MTCL1: variants seen among roughly 807,000 people sequenced by gnomAD.
MTCL1 encodes microtubule cross-linking factor 1.
Under a neutral mutation model 141.4 loss-of-function variants are expected in MTCL1, and 79 were observed. That is an observed-to-expected ratio of 0.56 (90% confidence interval 0.47 to 0.67). The LOEUF (loss-of-function observed/expected upper bound fraction) is 0.67. Among genes scored for constraint, MTCL1 ranks in the 30% least tolerant of loss-of-function variants. The probability of loss-of-function intolerance (pLI) is 0.00; values close to 1 mark genes in which losing one functional copy is unlikely to be tolerated. For missense variants in MTCL1, 2,177 were observed against 2,113.9 expected (o/e 1.03, Z -0.59); for synonymous variants, 914 against 875.8 (o/e 1.04, Z -0.77).
At chr18:8,718,636 G>C in exon 3 of MTCL1, 1 of 1,612,924 alleles carries the variant, frequency 6.2e-7, no homozygotes, top group Non-Finnish European at 8.5e-7. Flanking sequence ...GAAGCCTGGA[G>C]CAGGACTTGA....
exon 1 of MTCL1, chr18:8,706,164 G>A (rs2096057900): frequency 8.2e-7 from 1 of 1,221,448 alleles, no homozygotes; most frequent in African/African-American, 1.6e-5. Flanking sequence ...GCTCCCGGGC[G>A]CCACCCGCCC....
chr18:8,813,345 A>G, intron 12 of MTCL1, 112 bp downstream of exon 11: 11 of 1,269,330 alleles, frequency 8.7e-6, no homozygotes, highest in Non-Finnish European at 1.2e-5. Flanking sequence ...ATCAGGATGC[A>G]TGGGCTTCCA....
intron 4 of MTCL1, among the ~76,000 whole-genome samples, chr18:8,763,473 C>T (rs1028141565): frequency 1.3e-5 from 2 of 152,244 alleles, no homozygotes; most frequent in Non-Finnish European, 2.9e-5. Flanking sequence ...CAGGCCACCA[C>T]CAAGGCAGAG....
At chr18:8,825,672 C>T in exon 15 of MTCL1, 2 of 1,613,912 alleles carry the variant, frequency 1.2e-6, no homozygotes, top group Non-Finnish European at 1.7e-6. Context: ...ATGCTGCTCC[C>T]CCAAGTATGG....
At chr18:8,742,875 T>C (rs972335128) in intron 4 of MTCL1, among the ~76,000 whole-genome samples, 6 of 152,214 alleles carry the variant, frequency 3.9e-5, no homozygotes, top group African/African-American at 1.4e-4. Flanking sequence ...ACCAATAATA[T>C]GACTACAATA....
intron 4 of MTCL1, among the ~76,000 whole-genome samples, chr18:8,763,061 A>C (rs1408556788): frequency 6.6e-6 from 1 of 152,194 alleles, no homozygotes; most frequent in African/African-American, 2.4e-5. Flanking sequence ...TGCCAGCTGC[A>C]CAAAGAAATT....
intron 16 of MTCL1, chr18:8,831,255 C>A: frequency 1.9e-6 from 2 of 1,079,742 alleles, no homozygotes; most frequent in East Asian, 7.3e-5. Flanking sequence ...ACAGATCTAC[C>A]AGATAGGAAT....
chr18:8,809,549 G>T (rs1031279567), intron 11 of MTCL1: 1 of 1,536,268 alleles, frequency 6.5e-7, no homozygotes, highest in Non-Finnish European at 8.7e-7. Flanking sequence ...GCCTTGGGTT[G>T]CAGAGATTGG....
chr18:8,747,010 C>T (rs971127139), intron 4 of MTCL1, among the ~76,000 whole-genome samples: 9 of 152,118 alleles, frequency 5.9e-5, no homozygotes, highest in Non-Finnish European at 1.3e-4. Context: ...AGCATCGTCA[C>T]CTGGGGCCTG....
At chr18:8,831,408 C>T in intron 16 of MTCL1, 199 bp from the exon 15 acceptor site, 1 of 1,411,336 alleles carries the variant, frequency 7.1e-7, no homozygotes, top group East Asian at 2.6e-5. Context: ...TCTTCCCATT[C>T]ATGTCACTGA....
chr18:8,786,007 C>T (rs772061429), exon 7 of MTCL1: 1 of 1,607,602 alleles, frequency 6.2e-7, no homozygotes, highest in African/African-American at 1.3e-5. Context: ...GCCTGCGCCT[C>T]CGAGCCGCGC....
At chr18:8,720,155 G>T (rs2096159489) in intron 3 of MTCL1, 183 bp from the exon 3 acceptor site, 1 of 594,688 alleles carries the variant, frequency 1.7e-6, no homozygotes, top group Non-Finnish European at 2.9e-6. Flanking sequence ...TAGCCCAGAT[G>T]TTGATTTCAT....
chr18:8,826,284 C>CCAAA, intron 15 of MTCL1, 52 bp downstream of exon 14: 1 of 1,443,078 alleles, frequency 6.9e-7, no homozygotes, highest in Non-Finnish European at 9.3e-7. Context: ...TTCCCTTTAG[C>CCAAA]TGTGGGGCAG....
intron 13 of MTCL1, among the ~76,000 whole-genome samples, chr18:8,819,523 C>T (rs886419846): frequency 6.6e-6 from 1 of 152,208 alleles, no homozygotes; most frequent in African/African-American, 2.4e-5. Flanking sequence ...AAAGGAAGGT[C>T]TCACAAATAA....
At chr18:8,796,272 T>C (rs2075916159) in exon 9 of MTCL1, 1 of 1,614,158 alleles carries the variant, frequency 6.2e-7, no homozygotes, top group South Asian at 1.1e-5. Flanking sequence ...TGGAAAGAAC[T>C]GGAAATGCAC....
At chr18:8,814,657 A>C (rs2076592684) in intron 12 of MTCL1, among the ~76,000 whole-genome samples, 1 of 152,162 alleles carries the variant, frequency 6.6e-6, no homozygotes, top group Non-Finnish European at 1.5e-5. Flanking sequence ...AACTCCAGGC[A>C]ACTTGTCACC....
chr18:8,715,424 G>A (rs1227748517), upstream of MTCL1, among the ~76,000 whole-genome samples: 1 of 152,188 alleles, frequency 6.6e-6, no homozygotes. Context: ...GGAAAGAAAA[G>A]CAATCACAAA....
intron 4 of MTCL1, among the ~76,000 whole-genome samples, chr18:8,756,417 G>GTATATATGTGTGTATATGTT (rs1331752735): frequency 4.8e-5 from 7 of 144,650 alleles, no homozygotes; most frequent in Non-Finnish European, 8.9e-5. Context: ...GTGTATATGT[G>GTATATATGTGTGTATATGTT]TATATATGTG....
chr18:8,813,925 A>G lies in MTCL1; in HGVS notation c.2859+692A>G, dbSNP rs569231848. 1.6e-3 allele frequency among the ~76,000 whole-genome samples: 248 copies of G among 152,354 alleles called. 9 individuals carry two copies. In the South Asian group the frequency reaches 0.049, roughly 30 times the overall value. ...ATAGTTGCAGTAGTTCCTGAGGGAT[A>G]CACAAATTAAATTGATGAAGATTTG... On this transcript the variant is annotated intron_variant, in intron 12 of 16. Transcript: ENST00000359865.
Sources: gnomAD v4.1 joint callset for allele counts (sites outside exome capture counted in the v4.1 genomes callset) on GRCh38, gnomAD v4.1.1 for gene constraint, MANE v1.5 for transcripts, NCBI Gene and HGNC (gene_info 2026-07-23, HGNC 2026-07-21) for gene names.